The following CALN1 variants were observed in gnomAD, a reference collection of about 807,000 sequenced individuals.
The protein encoded by CALN1 is calneuron 1.
A neutral mutation model predicts 30.6 loss-of-function variants in CALN1; 17 were observed. The ratio of observed to expected loss-of-function variants is 0.56; its 90% CI spans 0.38 to 0.83. The LOEUF is 0.83. Among genes scored for constraint, CALN1 ranks in the 40% least tolerant of loss-of-function variants. CALN1 has a pLI of 0.00. For synonymous variants in CALN1, 156 were observed against 131.4 expected, an observed-to-expected ratio of 1.19 and a Z score of -1.28; for missense variants, 291 against 354.9, an observed-to-expected ratio of 0.82 and a Z score of 1.45.
At chr7:71,900,100 A>G (rs1793767645) in intron 5 of CALN1, among the ~76,000 whole-genome samples, 1 of 152,230 alleles carries the variant, frequency 6.6e-6, no homozygotes, top group African/African-American at 2.4e-5. Context: ...ATGAAAATAC[A>G]AAGGAAAACT....
chr7:72,277,179 T>C (rs1250847389), intron 3 of CALN1, among the ~76,000 whole-genome samples: 2 of 152,180 alleles, frequency 1.3e-5, no homozygotes, highest in South Asian at 2.1e-4. Context: ...CATCTTTATC[T>C]TAGACTTCCA....
chr7:71,957,381 T>A (rs1038721821), intron 5 of CALN1, among the ~76,000 whole-genome samples: 2 of 151,902 alleles, frequency 1.3e-5, no homozygotes, highest in African/African-American at 4.8e-5. Flanking sequence ...AAAAAGGAAA[T>A]AAAGAGGTTT....
chr7:72,476,936 C>A, the CALN1 span, among the ~76,000 whole-genome samples: 2 of 152,294 alleles, frequency 1.3e-5, no homozygotes, highest in East Asian at 3.9e-4. Flanking sequence ...CGTCGCCAGG[C>A]GCCGTGGCTC....
intron 5 of CALN1, among the ~76,000 whole-genome samples, chr7:72,004,838 T>C (rs564818099): frequency 1.3e-5 from 2 of 152,174 alleles, no homozygotes; most frequent in African/African-American, 2.4e-5. Context: ...CCAATTAGAA[T>C]ATGGGCAAAA....
chr7:72,344,437 G>T (rs1411745803), intron 2 of CALN1, among the ~76,000 whole-genome samples: 1 of 151,602 alleles, frequency 6.6e-6, no homozygotes, highest in Non-Finnish European at 1.5e-5. Flanking sequence ...AACATGTATG[G>T]TGCCACTTTT....
Position 71,981,819 on chromosome 7 carries a change from C to A in CALN1, c.501+41838G>T, listed in dbSNP as rs546100225. On this transcript the variant is annotated intron_variant, in intron 5 of 6. Transcript: ENST00000395275. ...TTGAAGGACTCCCGGCTTGTGTCTG[C>A]TGCTTGGTGTGGGAGGAAAACCCCT... is the stretch of plus-strand genomic sequence containing the variant. 3.9e-5 allele frequency among the ~76,000 whole-genome samples: 6 copies of A among 152,210 alleles called. No individual in the cohort carries two copies. In the South Asian group the frequency reaches 1.2e-3, roughly 32 times the overall value.
At chr7:71,824,915 A>G (rs1788822895) in intron 5 of CALN1, among the ~76,000 whole-genome samples, 1 of 152,138 alleles carries the variant, frequency 6.6e-6, no homozygotes, top group Non-Finnish European at 1.5e-5. Flanking sequence ...CTACCTACAC[A>G]GTTGAGTGAT....
intron 3 of CALN1, among the ~76,000 whole-genome samples, chr7:72,176,540 C>A (rs1455216212): frequency 2.6e-5 from 4 of 152,058 alleles, no homozygotes; most frequent in African/African-American, 9.7e-5. Context: ...CTCTTTCTCC[C>A]ACTCTCGCCA....
At chr7:72,351,358 C>G (rs946622664) in intron 2 of CALN1, among the ~76,000 whole-genome samples, 2 of 152,024 alleles carry the variant, frequency 1.3e-5, no homozygotes, top group African/African-American at 4.8e-5. Context: ...TTATAGCCAT[C>G]AGGCTGAAGT....
intron 3 of CALN1, among the ~76,000 whole-genome samples, chr7:72,225,483 A>G (rs545787255): frequency 4.6e-5 from 7 of 152,150 alleles, no homozygotes; most frequent in Admixed American, 2.6e-4. Flanking sequence ...CTTCAAAAGG[A>G]GTGGCCAATG....
chr7:72,197,571 C>T (rs558930037), intron 3 of CALN1, among the ~76,000 whole-genome samples: 17 of 152,048 alleles, frequency 1.1e-4, no homozygotes, highest in African/African-American at 2.7e-4. Context: ...TGGCTCATGC[C>T]TGTAATTGAG....
chr7:72,328,515 C>G (rs1801440839), intron 2 of CALN1, among the ~76,000 whole-genome samples: 1 of 152,182 alleles, frequency 6.6e-6, no homozygotes, highest in Non-Finnish European at 1.5e-5. Context: ...TACCCAGTCT[C>G]AGGTATGTCT....
At chr7:71,822,954 C>T (rs1217307936) in intron 5 of CALN1, among the ~76,000 whole-genome samples, 4 of 152,306 alleles carry the variant, frequency 2.6e-5, no homozygotes, top group South Asian at 4.1e-4. Context: ...TGTCCCTAAA[C>T]TAAGTGCCTG....
chr7:72,162,772 C>T (rs1024915184), intron 3 of CALN1, among the ~76,000 whole-genome samples: 14 of 152,094 alleles, frequency 9.2e-5, no homozygotes, highest in African/African-American at 2.9e-4. Context: ...AGGACACATA[C>T]ATGTTTATAT....
intron 2 of CALN1, among the ~76,000 whole-genome samples, chr7:72,314,840 AAAAAAAAAAAAC>A (rs886671004): frequency 2.7e-5 from 1 of 37,242 alleles, no homozygotes; most frequent in Non-Finnish European, 5.1e-5. Context: ...CATTTTGTTA[AAAAAAAAAAAAC>A]AAAAAAAACT....
chr7:72,081,425 T>TGTGTGTGTGTGTGTC (rs1554434316), intron 4 of CALN1, among the ~76,000 whole-genome samples: 1 of 23,620 alleles, frequency 4.2e-5, no homozygotes, highest in African/African-American at 1.7e-4. Flanking sequence ...GTGTGTGTGT[T>TGTGTGTGTGTGTGTC]TGTTTTTGGT....
chr7:71,847,646 C>CACGCCAGCCTGGGCAACAGAGTGAG (rs1409616307), intron 5 of CALN1, among the ~76,000 whole-genome samples: 3 of 147,450 alleles, frequency 2.0e-5, no homozygotes, highest in African/African-American at 7.6e-5. Flanking sequence ...TGCACCACTG[C>CACGCCAGCCTGGGCAACAGAGTGAG]ACGCCAGCCT....
chr7:71,930,003 T>C (rs11980548), intron 5 of CALN1, among the ~76,000 whole-genome samples: 1 of 152,216 alleles, frequency 6.6e-6, no homozygotes, highest in African/African-American at 2.4e-5. Context: ...GCATATAACC[T>C]ACGCACATGT....
Position 71,813,309 on chromosome 7 carries a change from T to C in CALN1, c.502-2817A>G, listed in dbSNP as rs371215528. 1.1e-4 allele frequency among the ~76,000 whole-genome samples: 16 copies of C among 152,242 alleles called. No homozygotes were observed. In the East Asian group the frequency reaches 2.7e-3, roughly 26 times the overall value. The stretch of plus-strand genomic sequence containing the variant: ...ATACTCTGGCTTCAGCCTCCCAAAG[T>C]GCTGAGATTACAGGCACTGCACCAA... On this transcript the variant is annotated intron_variant, in intron 5 of 6. Coordinates refer to ENST00000395275, the MANE Select transcript of CALN1 (RefSeq NM_031468.4).
Sources: gnomAD v4.1 joint callset for allele counts (sites outside exome capture counted in the v4.1 genomes callset) on GRCh38, gnomAD v4.1.1 for gene constraint, MANE v1.5 for transcripts, NCBI Gene and HGNC (gene_info 2026-07-23, HGNC 2026-07-21) for gene names.